The following SCN3B variants were observed in gnomAD, a reference collection of about 807,000 sequenced individuals.
SCN3B encodes the protein sodium channel regulatory subunit beta-3.
In SCN3B, 11 loss-of-function variants were observed where a neutral mutation model predicts 25.4. The observed-to-expected ratio is 0.43, with a 90% CI of 0.27 to 0.72. SCN3B has a LOEUF of 0.72. SCN3B is among the 30% of genes least tolerant of loss of function. The pLI, the probability that SCN3B is intolerant of heterozygous loss-of-function variation, is 0.18. For synonymous variants in SCN3B, 109 were observed against 110.7 expected (o/e 0.99, Z 0.09); for missense variants, 218 against 278.3 (o/e 0.78, Z 1.54).
At position 123,629,909 on chromosome 11, in the gene SCN3B, T is replaced by C. The variant is rs2137225585; in HGVS notation, c.*3890A>G. The C allele has an allele frequency of 6.6e-6, 1 of 152,350 alleles. No individual in the cohort carries two copies. The highest frequency in any genetic ancestry group is 1.9e-4 in the East Asian group (1 of 5,184). The allele number at this position is 152,350 out of a possible 1,614,324, so 9.4% of individuals were successfully genotyped here. A position where few individuals can be genotyped will look rare whatever the true frequency, so the allele number is the denominator to read the frequency against. ...TATATTCTGAAGTGTGTCTAGCTCTTGCTTCTCTTTCTTCCTGCAAAGATG... is the reference window on the plus strand; with the variant it reads ...TATATTCTGAAGTGTGTCTAGCTCTCGCTTCTCTTTCTTCCTGCAAAGATG... On this transcript the variant is annotated 3_prime_UTR_variant, in exon 7 of 7. Coordinates refer to ENST00000299333, the MANE Select transcript of SCN3B (RefSeq NM_001040151.2).
Position 123,642,726 on chromosome 11 carries a change from G to T in SCN3B, c.220-55C>A. The T allele has an allele frequency of 1.4e-6, 2 of 1,387,482 alleles. No homozygotes were observed. The highest frequency in any genetic ancestry group is 1.0e-6 in the Non-Finnish European group (1 of 981,036). The allele number at this position is 1,387,482 out of a possible 1,614,324, so 85.9% of individuals were successfully genotyped here. On this transcript the variant is annotated intron_variant, in intron 3 of 6. Transcript: ENST00000299333. This position sits in a 1 kb window ranked among gnomAD's most constrained non-coding sequence, Gnocchi z 4.3. ...GCCAGGAAAGGAGATGGCAGTGGGG[G>T]GAAGCCGAGTTAGGGACAGGGCAGA...
intron 2 of SCN3B, among the ~76,000 whole-genome samples, chr11:123,646,820 C>T (rs1955859291): frequency 6.6e-6 from 1 of 152,168 alleles, no homozygotes; most frequent in African/African-American, 2.4e-5. Flanking sequence ...AGTTTCTCGG[C>T]ACTGTTTTTG....
intron 5 of SCN3B, among the ~76,000 whole-genome samples, chr11:123,637,818 C>T (rs1955745283): frequency 6.6e-6 from 1 of 152,166 alleles, no homozygotes; most frequent in South Asian, 2.1e-4. Flanking sequence ...GCGTGACAGC[C>T]ATCATGCCCA....
rs560022992 is a variant in SCN3B, at chr11:123,636,330, T to A, written c.584+1856A>T. ...GTATTTTTGTAGATTCTCTTAGGTA[T>A]CCTATGTAAATAGTAGGTATAGATA... On this transcript the variant is annotated intron_variant, in intron 5 of 6. Transcript: ENST00000299333. Among the ~76,000 whole-genome samples the A allele has an allele frequency of 7.9e-5, 12 of 152,372 alleles. No individual in the cohort carries two copies. In the South Asian group the frequency reaches 1.0e-3, roughly 13 times the overall value.
chr11:123,651,902 G>A (rs1337781336), intron 2 of SCN3B, among the ~76,000 whole-genome samples: 1 of 152,184 alleles, frequency 6.6e-6, no homozygotes, highest in Non-Finnish European at 1.5e-5. Flanking sequence ...CTGTGGAGCT[G>A]AAAAGGATGT....
At chr11:123,633,848 A>T (rs1161503581) in intron 6 of SCN3B, 72 bp from the exon 7 acceptor site, 8 of 395,052 alleles carry the variant, frequency 2.0e-5, no homozygotes, top group Non-Finnish European at 3.4e-5. Flanking sequence ...AAATTCTTTG[A>T]CCAAAGAAGG....
chr11:123,653,640 G>T, intron 2 of SCN3B, 107 bp downstream of exon 2: 1 of 1,333,462 alleles, frequency 7.5e-7, no homozygotes, highest in Non-Finnish European at 1.1e-6. Flanking sequence ...TACGCACAGA[G>T]GCAAGCCAGC....
At chr11:123,653,935 G>A in intron 1 of SCN3B, 109 bp from the exon 2 acceptor site, 2 of 1,041,256 alleles carry the variant, frequency 1.9e-6, no homozygotes, top group Non-Finnish European at 3.0e-6. Flanking sequence ...CGAAGGAAGG[G>A]CCGAGCACCG....
chr11:123,637,226 C>G (rs1473610940), intron 5 of SCN3B, among the ~76,000 whole-genome samples: 1 of 152,130 alleles, frequency 6.6e-6, no homozygotes, highest in Non-Finnish European at 1.5e-5. Context: ...ACAGGCTGGA[C>G]TTTAGAGGAT....
chr11:123,647,815 G>A (rs1298294306), intron 2 of SCN3B, among the ~76,000 whole-genome samples: 1 of 152,196 alleles, frequency 6.6e-6, no homozygotes, highest in Non-Finnish European at 1.5e-5. Context: ...AGTGGCACTA[G>A]AATTAACTTA....
intron 4 of SCN3B, 61 bp from the exon 5 acceptor site, chr11:123,638,385 G>T: frequency 6.2e-7 from 1 of 1,606,406 alleles, no homozygotes; most frequent in Non-Finnish European, 8.5e-7. Context: ...GCCGTCATTG[G>T]AGCCATATTT....
rs1382771948 is a variant in SCN3B, at chr11:123,645,696, T to C, written c.110A>G (p.Gln37Arg). ...VEVPSETEAV[Q>R]GNPMKLRCIS... Reference sequence around the variant, plus strand: ...GCAGCGCAGCTTCATGGGGTTGCCCTGCACGGCCTCCGTCTCCGAGGGCAC... The same window carrying C: ...GCAGCGCAGCTTCATGGGGTTGCCCCGCACGGCCTCCGTCTCCGAGGGCAC... The change falls in exon 3 of 7, where the codon CAG becomes CGG. Residue 37 changes from glutamine (Q) to arginine (R), a missense_variant. By Grantham distance (43) the Gln-to-Arg change is conservative. Coordinates refer to ENST00000299333, the MANE Select transcript of SCN3B (RefSeq NM_001040151.2). The C allele has an allele frequency of 5.6e-6, 9 of 1,614,156 alleles. No homozygotes were observed. Among genetic ancestry groups the C allele is most frequent in the Non-Finnish European group, 7.6e-6 (9 of 1,180,032 alleles).
At chr11:123,636,839 A>G (rs1367833704) in intron 5 of SCN3B, among the ~76,000 whole-genome samples, 2 of 151,746 alleles carry the variant, frequency 1.3e-5, no homozygotes, top group Non-Finnish European at 2.9e-5. Flanking sequence ...GACTACAGGC[A>G]CCCGCCACCA....
At chr11:123,641,679 C>A (rs975934170) in intron 4 of SCN3B, among the ~76,000 whole-genome samples, 1 of 152,150 alleles carries the variant, frequency 6.6e-6, no homozygotes, top group Non-Finnish European at 1.5e-5. Flanking sequence ...TTCCCACTCA[C>A]GAACACGGAA....
intron 1 of SCN3B, 131 bp downstream of exon 1, chr11:123,654,095 G>C: frequency 1.9e-6 from 1 of 522,722 alleles, no homozygotes; most frequent in Non-Finnish European, 3.5e-6. Flanking sequence ...TCGCCTCCCC[G>C]CCCACCCCGG....
chr11:123,634,394 G>A (rs1301667862), intron 5 of SCN3B, among the ~76,000 whole-genome samples, 188 bp from the exon 6 acceptor site: 1 of 152,110 alleles, frequency 6.6e-6, no homozygotes, highest in African/African-American at 2.4e-5. Flanking sequence ...ATATGTACAC[G>A]AACACCCACC....
intron 1 of SCN3B, 196 bp downstream of exon 1, chr11:123,654,030 G>C: frequency 1.7e-6 from 1 of 589,960 alleles, no homozygotes; most frequent in East Asian, 2.8e-5. Flanking sequence ...CCAGTTCGAG[G>C]GAGCCGATCA....
chr11:123,643,676 T>C (rs1720343), intron 3 of SCN3B, among the ~76,000 whole-genome samples: 14,424 of 152,338 alleles, frequency 0.095, 737 homozygotes, highest in Middle Eastern at 0.12. Flanking sequence ...TGTTGCCGTT[T>C]TATTTTTCAT....
intron 5 of SCN3B, 40 bp downstream of exon 5, chr11:123,638,146 G>A (rs374500940): frequency 3.1e-6 from 5 of 1,612,160 alleles, no homozygotes; most frequent in African/African-American, 1.3e-5. Context: ...CATTCTGAAG[G>A]TGCTAGCTTT....
Sources: gnomAD v4.1 joint callset for allele counts (sites outside exome capture counted in the v4.1 genomes callset) on GRCh38, gnomAD v4.1.1 for gene constraint, Gnocchi (gnomAD v3.1) non-coding constraint, MANE v1.5 for transcripts, NCBI Gene and HGNC (gene_info 2026-07-23, HGNC 2026-07-21) for gene names.